Variants in TRRAP observed in about 807,000 individuals in gnomAD.
TRRAP encodes transformation/transcription domain associated protein, also known as transformation/transcription domain-associated protein.
A neutral mutation model predicts 438.8 loss-of-function variants in TRRAP; 41 were observed. That is an observed-to-expected ratio of 0.09 (90% CI 0.07 to 0.12). TRRAP has a LOEUF of 0.12. TRRAP is among the 10% of genes least tolerant of loss of function. The pLI, the probability that TRRAP is intolerant of heterozygous loss-of-function variation, is 1.00. For missense variants in TRRAP, 3,122 were observed against 5,055.1 expected (o/e 0.62, Z 11.60); for synonymous variants, 1,994 against 1,962.9 (o/e 1.02, Z -0.42).
chr7:98,997,483 CAAAAAAAAA>C (rs61132070), intron 67 of TRRAP, among the ~76,000 whole-genome samples: 1,804 of 42,804 alleles, frequency 0.042, 55 homozygotes, highest in African/African-American at 0.13. Context: ...ACTGCTGTTG[CAAAAAAAAA>C]AAAAAAAAAA....
chr7:98,951,125 G>A (rs1248176447), intron 39 of TRRAP, 121 bp downstream of exon 39: 14 of 1,168,718 alleles, frequency 1.2e-5, no homozygotes, highest in South Asian at 6.9e-5. Context: ...AGTTTGTTCC[G>A]CCAACACGTT....
At chr7:98,950,621 T>A (rs1791291458) in intron 38 of TRRAP, among the ~76,000 whole-genome samples, 1 of 152,130 alleles carries the variant, frequency 6.6e-6, no homozygotes, top group African/African-American at 2.4e-5. Flanking sequence ...TGAAGGGTGG[T>A]TTGTTAATTG....
chr7:98,900,199 C>T (rs1393549595), intron 10 of TRRAP, among the ~76,000 whole-genome samples: 1 of 152,006 alleles, frequency 6.6e-6, no homozygotes, highest in African/African-American at 2.4e-5. Context: ...AACCTAAGGA[C>T]GTTCCTCCTG....
chr7:98,913,948 A>C (rs1789400110), intron 18 of TRRAP, among the ~76,000 whole-genome samples: 1 of 152,234 alleles, frequency 6.6e-6, no homozygotes, highest in South Asian at 2.1e-4. Flanking sequence ...TTTCTTGGGA[A>C]AATCTGAAGA....
At chr7:99,002,279 A>G (rs905605105) in intron 67 of TRRAP, among the ~76,000 whole-genome samples, 3 of 152,306 alleles carry the variant, frequency 2.0e-5, no homozygotes, top group East Asian at 1.9e-4. Flanking sequence ...ACATGTGCGC[A>G]CACACACGTG....
chr7:98,890,806 A>G (rs10238082), intron 4 of TRRAP, among the ~76,000 whole-genome samples: 1 of 56,568 alleles, frequency 1.8e-5, no homozygotes, highest in African/African-American at 9.5e-5. Flanking sequence ...TTTTTTTTTT[A>G]AAAGACAAGG....
chr7:98,993,876 G>A (rs999625090), intron 66 of TRRAP, 139 bp downstream of exon 66: 2 of 800,166 alleles, frequency 2.5e-6, no homozygotes, highest in Non-Finnish European at 2.0e-6. Flanking sequence ...CATGGACCAG[G>A]CAAATAGCTA....
chr7:98,940,524 C>T (rs1554415369), intron 30 of TRRAP, among the ~76,000 whole-genome samples: 1 of 152,128 alleles, frequency 6.6e-6, no homozygotes, highest in Non-Finnish European at 1.5e-5. Flanking sequence ...AACATTGTTA[C>T]CCAGATTTTT....
chr7:98,942,679 T>G (rs1166119582), intron 30 of TRRAP, among the ~76,000 whole-genome samples: 2 of 152,172 alleles, frequency 1.3e-5, no homozygotes, highest in Non-Finnish European at 2.9e-5. Context: ...AGGAAACAAG[T>G]TAACAGGAAG....
intron 39 of TRRAP, 106 bp downstream of exon 39, chr7:98,951,110 AAAT>A: frequency 9.7e-7 from 1 of 1,034,884 alleles, no homozygotes; most frequent in Non-Finnish European, 1.3e-6. Flanking sequence ...GGGTTCATTG[AAAT>A]AAGTTTGTTC....
Position 98,984,331 on chromosome 7 carries a change from C to T in TRRAP, c.9261C>T (p.Gly3087=), listed in dbSNP as rs899505518. The change falls in exon 61 of 73, where the codon GGC becomes GGT. Residue 3087 remains glycine (G), a synonymous_variant. Coordinates refer to ENST00000456197, the MANE Select transcript of TRRAP (RefSeq NM_001375524.1). ...QQVKCYLQLA[G]VMGKNECMQG... ...TTAAATGCTACCTCCAGCTGGCAGGCGTCATGGGCAAAAACGAGTGCATGC... is the reference window on the plus strand; with the variant it reads ...TTAAATGCTACCTCCAGCTGGCAGGTGTCATGGGCAAAAACGAGTGCATGC... 27 of 1,591,330 alleles carry T rather than the reference C, an allele frequency of 1.7e-5. No homozygotes were observed. Among genetic ancestry groups the T allele is most frequent in the African/African-American group, 6.7e-5 (5 of 74,196 alleles).
rs542122741 is a variant in TRRAP at position 98,881,837 on chromosome 7, A to G, written c.101-138A>G. On this transcript the variant is annotated intron_variant, in intron 2 of 72. Coordinates refer to ENST00000456197, the MANE Select transcript of TRRAP (RefSeq NM_001375524.1). ...TGCGACTGGTTGTAGGGAACTAGCTATGTGCCTTCTATTAGGCCATGACAG... is the reference window on the plus strand; with the variant it reads ...TGCGACTGGTTGTAGGGAACTAGCTGTGTGCCTTCTATTAGGCCATGACAG... 1.2e-4 allele frequency: 100 copies of G among 836,898 alleles called. No homozygotes were observed. In the South Asian group the frequency reaches 1.3e-3, roughly 11 times the overall value. The allele number at this position is 836,898 out of a possible 1,614,324, so 51.8% of individuals were successfully genotyped here.
In TRRAP at chr7:98,930,069, G is replaced by A. The variant is rs782037587; in HGVS notation, c.3256G>A (p.Gly1086Arg). 6.2e-7 allele frequency: 1 copy of A among 1,614,178 alleles called. No homozygotes were observed. Among genetic ancestry groups the A allele is most frequent in the Non-Finnish European group, 8.5e-7 (1 of 1,180,040 alleles). The change falls in exon 24 of 73, where the codon GGA becomes AGA. Residue 1086 changes from glycine to arginine, a missense_variant. This residue lies in a region of TRRAP where 54 missense variants were observed against 74.6 expected (regional missense o/e 0.72). Coordinates refer to ENST00000456197, the MANE Select transcript of TRRAP (RefSeq NM_001375524.1). ...TCACAGTGAAGAAAATGGCTCGAAA[G>A]GAATGGATCCTTTGGTTCTCATTGA... ...MFHSEENGSK[G>R]MDPLVLIDAI...
At position 98,912,028 on chromosome 7, in the gene TRRAP, G is replaced by T; in HGVS notation, c.2014G>T (p.Ala672Ser). The T allele has an allele frequency of 6.2e-7, 1 of 1,612,154 alleles. No homozygotes were observed. The highest frequency in any genetic ancestry group is 8.5e-7 in the Non-Finnish European group (1 of 1,178,878). The change falls in exon 18 of 73, where the codon GCC (alanine) becomes TCC (serine). Residue 672 changes from alanine (A) to serine (S), a missense_variant. By Grantham distance (99) the Ala-to-Ser change is moderately conservative (BLOSUM62 1). Around this residue, in one of 24 missense-constraint regions of TRRAP, gnomAD observed 149 missense variants for 302.8 expected, o/e 0.49. Transcript: ENST00000456197. ...ISKNYALQIVANSFLANPTTS... is the reference protein window; with the variant it reads ...ISKNYALQIVSNSFLANPTTS... ...GTGTTTCTTGTATTGACAGATTGTT[G>T]CCAATTCCTTCTTGGCAAATCCTAC...
intron 51 of TRRAP, among the ~76,000 whole-genome samples, chr7:98,969,079 G>A (rs969283403): frequency 1.3e-5 from 2 of 152,180 alleles, no homozygotes; most frequent in African/African-American, 2.4e-5. Context: ...ACTGGCCACC[G>A]CCATCTCTCA....
At chr7:98,889,051 T>TAC (rs1554404408) in intron 3 of TRRAP, among the ~76,000 whole-genome samples, 16 of 147,264 alleles carry the variant, frequency 1.1e-4, no homozygotes, top group Non-Finnish European at 2.1e-4. Context: ...TTTACTTTTT[T>TAC]TTTTTTTTTT....
In TRRAP at chr7:98,976,005, A is replaced by T. The variant is rs1258000366; in HGVS notation, c.7840-144A>T. 2 of 1,110,502 alleles carry T rather than the reference A, an allele frequency of 1.8e-6. No homozygotes were observed. Among genetic ancestry groups the T allele is most frequent in the African/African-American group, 3.2e-5 (2 of 63,238 alleles). 68.8% of individuals were successfully genotyped at this position (1,110,502 alleles called of 1,614,324 possible). ...AGGATCTGTGGGCTTTTACTCTAAC[A>T]TGGCATTTTCTCAGATCTTTGAAAC... On this transcript the variant is annotated intron_variant, in intron 53 of 72. Transcript: ENST00000456197. The surrounding 1 kb of genome is among the most constrained non-coding windows in gnomAD (Gnocchi z 4.6).
intron 70 of TRRAP, among the ~76,000 whole-genome samples, chr7:99,010,495 G>A (rs1224015998): frequency 6.6e-6 from 1 of 152,208 alleles, no homozygotes; most frequent in Admixed American, 6.5e-5. Flanking sequence ...AAAAGACCCC[G>A]TAGATGGCCT....
intron 39 of TRRAP, 108 bp from the exon 40 acceptor site, chr7:98,953,056 TGTG>T: frequency 3.9e-5 from 2 of 51,776 alleles, no homozygotes; most frequent in Non-Finnish European, 1.8e-4. Flanking sequence ...TGTGTGTGTG[TGTG>T]TGTGTGTGTG....
Sources: allele counts gnomAD v4.1 joint callset (sites outside exome capture counted in the v4.1 genomes callset), GRCh38; gene constraint gnomAD v4.1.1; regional missense constraint gnomAD v4.1.1; non-coding constraint Gnocchi (gnomAD v3.1); transcripts MANE v1.5; gene names NCBI Gene and HGNC (gene_info 2026-07-23, HGNC 2026-07-21).